The following CUX1 variants were observed in gnomAD, a reference collection of about 807,000 sequenced individuals.
The protein encoded by CUX1 is cut like homeobox 1.
In CUX1, 31 loss-of-function variants were observed where a neutral mutation model predicts 158.8. The observed-to-expected ratio is 0.20, with a 90% CI of 0.15 to 0.26. CUX1 has a LOEUF of 0.26. Among genes scored for constraint, CUX1 ranks in the 10% least tolerant of loss-of-function variants. CUX1 has a pLI of 1.00. For synonymous variants in CUX1, 879 were observed against 862.1 expected (o/e 1.02, Z -0.34); for missense variants, 1,589 against 2,014.6 (o/e 0.79, Z 4.04).
chr7:101,865,683 C>T (rs1017928573), intron 1 of CUX1, among the ~76,000 whole-genome samples: 2 of 152,208 alleles, frequency 1.3e-5, no homozygotes, highest in East Asian at 1.9e-4. Context: ...GAAGGGTGTG[C>T]GTGCACCCTG....
intron 1 of CUX1, among the ~76,000 whole-genome samples, chr7:101,856,541 G>A (rs964834455): frequency 1.4e-4 from 21 of 152,124 alleles, no homozygotes; most frequent in Admixed American, 1.1e-3. Context: ...CGTGTCATGC[G>A]TTCCCCAGCC....
intron 2 of CUX1, among the ~76,000 whole-genome samples, chr7:101,990,893 C>T (rs1012280618): frequency 1.3e-5 from 2 of 152,208 alleles, no homozygotes; most frequent in Non-Finnish European, 2.9e-5. Context: ...CACAGCGCCG[C>T]TCAGGTCCCT....
chr7:102,034,145 C>CAAAAAAAAAAAAAAA (rs10655613), intron 3 of CUX1, among the ~76,000 whole-genome samples: 1 of 48,614 alleles, frequency 2.1e-5, no homozygotes, highest in Non-Finnish European at 3.4e-5. Context: ...GACTCCATCT[C>CAAAAAAAAAAAAAAA]AAAAAAAAAA....
intron 4 of CUX1, among the ~76,000 whole-genome samples, chr7:102,076,799 T>C (rs1386832812): frequency 6.6e-6 from 1 of 152,032 alleles, no homozygotes; most frequent in East Asian, 1.9e-4. Flanking sequence ...CTGAGGTAGC[T>C]GAATTACCTG....
At chr7:102,107,563 A>G (rs1409257273) in intron 6 of CUX1, among the ~76,000 whole-genome samples, 1 of 152,196 alleles carries the variant, frequency 6.6e-6, no homozygotes, top group Admixed American at 6.5e-5. Flanking sequence ...TAAATAAAAG[A>G]AAAGAGAACT....
At chr7:102,175,131 G>A (rs113356818) in intron 10 of CUX1, among the ~76,000 whole-genome samples, 9,915 of 152,230 alleles carry the variant, frequency 0.065, 448 homozygotes, top group African/African-American at 0.12. Flanking sequence ...CAGTGTGGCC[G>A]AGCTCTTGTG....
chr7:101,848,611 T>G (rs929124937), intron 1 of CUX1, among the ~76,000 whole-genome samples: 2 of 152,112 alleles, frequency 1.3e-5, no homozygotes, highest in Admixed American at 1.3e-4. Flanking sequence ...CAAATTTAGT[T>G]GCGAATTTGC....
intron 2 of CUX1, among the ~76,000 whole-genome samples, chr7:102,005,189 A>G (rs1490089752): frequency 3.3e-5 from 5 of 152,186 alleles, no homozygotes; most frequent in Non-Finnish European, 5.9e-5. Flanking sequence ...GGCTCTCGAT[A>G]GAGTCGGAAA....
At chr7:102,188,772 G>A (rs534035242) in intron 11 of CUX1, 2 of 144,614 alleles carry the variant, frequency 1.4e-5, no homozygotes, top group South Asian at 4.3e-4. Flanking sequence ...CCAAGATCAC[G>A]CTACTGCACT....
At chr7:101,982,732 T>A (rs543175318) in intron 2 of CUX1, among the ~76,000 whole-genome samples, 100 of 152,228 alleles carry the variant, frequency 6.6e-4, no homozygotes, top group Non-Finnish European at 1.2e-3. Flanking sequence ...CTTTTTTTTT[T>A]TTATTATACT....
intron 8 of CUX1, among the ~76,000 whole-genome samples, chr7:102,116,114 G>A (rs988716956): frequency 1.3e-5 from 2 of 152,166 alleles, no homozygotes; most frequent in African/African-American, 4.8e-5. Context: ...GCAAGAAGAC[G>A]GGTACTTCTG....
chr7:101,868,357 G>A (rs1445347677), intron 1 of CUX1, among the ~76,000 whole-genome samples: 1 of 152,132 alleles, frequency 6.6e-6, no homozygotes, highest in Non-Finnish European at 1.5e-5. Context: ...GCTGAGCCTT[G>A]GCCTCATCTT....
Position 101,935,479 on chromosome 7 carries a change from G to A in CUX1, c.141+19254G>A, listed in dbSNP as rs531935362. On this transcript the variant is annotated intron_variant, in intron 2 of 23. Coordinates refer to ENST00000292535, the MANE Select transcript of CUX1 (RefSeq NM_181552.4). ...ATGGACAAGGCCTGGCTCCGTCCAC[G>A]CTTTCCCAGCTCTGTGTCCTGCCAT... Among the ~76,000 whole-genome samples the A allele has an allele frequency of 1.4e-4, 21 of 152,342 alleles. 1 individual carries two copies. Among genetic ancestry groups the A allele is most frequent in the Admixed American group, 2.6e-4 (4 of 15,304 alleles).
chr7:101,886,708 G>C (rs1050800227), intron 1 of CUX1, among the ~76,000 whole-genome samples: 16 of 152,138 alleles, frequency 1.1e-4, no homozygotes, highest in Admixed American at 6.5e-4. Context: ...TTTAGTTCCT[G>C]AGTATGTTAT....
chr7:102,245,849 G>A (rs1409405187), intron 23 of CUX1, among the ~76,000 whole-genome samples: 6 of 151,930 alleles, frequency 3.9e-5, no homozygotes, highest in Non-Finnish European at 7.4e-5. Flanking sequence ...GCACGTACCT[G>A]TAGTCCCAGC....
At chr7:101,848,044 C>T (rs1274508218) in intron 1 of CUX1, among the ~76,000 whole-genome samples, 7 of 50,644 alleles carry the variant, frequency 1.4e-4, no homozygotes, top group African/African-American at 6.3e-4. Context: ...GGCAACAGAG[C>T]AAGACTCAAA....
At chr7:102,090,610 G>A (rs1299761925) in intron 4 of CUX1, among the ~76,000 whole-genome samples, 1 of 150,834 alleles carries the variant, frequency 6.6e-6, no homozygotes, top group African/African-American at 2.4e-5. Flanking sequence ...GGACGGTCTC[G>A]ATCTCCTGAC....
At chr7:102,258,384 G>A (rs1032995771), downstream of CUX1, among the ~76,000 whole-genome samples, 12 of 152,176 alleles carry the variant, frequency 7.9e-5, no homozygotes, top group South Asian at 4.2e-4. Flanking sequence ...TGTGGCTTCC[G>A]GGCACACAGA....
At chr7:101,928,173 G>A (rs1325362614) in intron 2 of CUX1, among the ~76,000 whole-genome samples, 5 of 152,076 alleles carry the variant, frequency 3.3e-5, no homozygotes, top group Non-Finnish European at 2.9e-5. Flanking sequence ...GTTCTATCAC[G>A]TCTAAGCCTC....
Sources: allele counts gnomAD v4.1 joint callset (sites outside exome capture counted in the v4.1 genomes callset), GRCh38; gene constraint gnomAD v4.1.1; transcripts MANE v1.5; gene names NCBI Gene and HGNC (gene_info 2026-07-23, HGNC 2026-07-21).